TNRC6A: variants seen among roughly 807,000 people sequenced by gnomAD.
TNRC6A encodes the protein trinucleotide repeat containing adaptor 6A, also known as trinucleotide repeat-containing gene 6A protein.
Under a neutral mutation model 221.2 loss-of-function variants are expected in TNRC6A, and 44 were observed. That is an observed-to-expected ratio of 0.20 (90% CI 0.16 to 0.26). The LOEUF (loss-of-function observed/expected upper bound fraction) is 0.26. TNRC6A is among the 10% of genes least tolerant of loss of function. The probability of loss-of-function intolerance (pLI) is 1.00; values close to 1 mark genes in which losing one functional copy is unlikely to be tolerated. For synonymous variants in TNRC6A, 847 were observed against 838.5 expected (o/e 1.01, Z -0.18); for missense variants, 2,199 against 2,404.4 (o/e 0.91, Z 1.79).
intron 17 of TNRC6A, among the ~76,000 whole-genome samples, chr16:24,807,162 C>T (rs900160873): frequency 1.3e-5 from 2 of 152,020 alleles, no homozygotes. Context: ...CGCACCACCA[C>T]GCCCAGCTAA....
intron 2 of TNRC6A, among the ~76,000 whole-genome samples, chr16:24,705,021 C>T (rs1479761482): frequency 6.6e-6 from 1 of 152,042 alleles, no homozygotes; most frequent in Non-Finnish European, 1.5e-5. Flanking sequence ...TTTTAAAAAG[C>T]TTAGCGCAAG....
chr16:24,682,728 G>A lies in TNRC6A; in HGVS notation n.402+41719G>A, dbSNP rs140415639. ...AATGTGACTTTAAGGCAGCCAGCAC[G>A]CAGAATGACCGCAGAGAAGCAGCCA... On this transcript the variant is annotated intron_variant and non_coding_transcript_variant, in intron 2 of 2. Transcript: ENST00000566108. Among the ~76,000 whole-genome samples the A allele has an allele frequency of 4.6e-5, 7 of 152,172 alleles. No homozygotes were observed. In the East Asian group the frequency reaches 7.8e-4, roughly 17 times the overall value.
At chr16:24,754,985 C>G (rs1053316468) in intron 3 of TNRC6A, among the ~76,000 whole-genome samples, 14 of 152,174 alleles carry the variant, frequency 9.2e-5, no homozygotes, top group African/African-American at 3.4e-4. Context: ...TCATATTCAG[C>G]AGCTTAATTA....
At chr16:24,708,170 T>G (rs1013352729) in intron 2 of TNRC6A, among the ~76,000 whole-genome samples, 1 of 151,944 alleles carries the variant, frequency 6.6e-6, no homozygotes, top group Non-Finnish European at 1.5e-5. Context: ...TTTGGTTGGT[T>G]TTTGGGGGTT....
At chr16:24,701,724 G>C (rs1249911706) in intron 2 of TNRC6A, among the ~76,000 whole-genome samples, 2 of 152,106 alleles carry the variant, frequency 1.3e-5, no homozygotes, top group African/African-American at 4.8e-5. Flanking sequence ...TATCCCTTCT[G>C]TCATTTTCAC....
At chr16:24,683,368 T>A (rs569976702) in intron 2 of TNRC6A, among the ~76,000 whole-genome samples, 6 of 152,214 alleles carry the variant, frequency 3.9e-5, no homozygotes, top group South Asian at 2.1e-4. Flanking sequence ...AGCAATTTTT[T>A]AAATTATTTT....
At position 24,789,863 on chromosome 16, in the gene TNRC6A, T is replaced by A. The variant is rs758030535; in HGVS notation, c.1221T>A (p.Ile407=). 1 of 1,614,152 alleles carries A rather than the reference T, an allele frequency of 6.2e-7. No homozygotes were observed. Among genetic ancestry groups the A allele is most frequent in the South Asian group, 1.1e-5 (1 of 91,076 alleles). Reference sequence around the variant, plus strand: ...GCCAGATGCCTAACAATCAGAGTATTAACTCTAAAGTGAGTGGTGGTTCTA... The same window carrying A: ...GCCAGATGCCTAACAATCAGAGTATAAACTCTAAAGTGAGTGGTGGTTCTA... The part of the protein sequence containing the change: ...TIGQMPNNQS[I]NSKVSGGSTH... Residue 407 remains isoleucine (I), a synonymous_variant, in exon 6 of 25, where the codon ATT becomes ATA. Transcript: ENST00000395799.
chr16:24,720,369 G>A (rs774366218), intron 2 of TNRC6A, among the ~76,000 whole-genome samples: 14 of 151,122 alleles, frequency 9.3e-5, no homozygotes, highest in Non-Finnish European at 1.9e-4. Flanking sequence ...ACCCGTCTGG[G>A]TGACACAGCT....
Position 24,793,641 on chromosome 16 carries a change from G to A in TNRC6A, c.3344G>A (p.Ser1115Asn), listed in dbSNP as rs371566628. Residue 1115 changes from serine to asparagine, a missense_variant, in exon 7 of 25, where the codon AGC becomes AAC. Ser to Asn is a conservative substitution (Grantham distance 46). Around this residue, in one of 8 missense-constraint regions of TNRC6A, gnomAD observed 1,405 missense variants for 1,400.2 expected, o/e 1.00. Transcript: ENST00000395799. ...GSSSVGPQAL[S>N]KSGPKSMQDG... The stretch of plus-strand genomic sequence containing the variant: ...AGCTCTGTTGGTCCACAAGCATTAA[G>A]CAAATCTGGTAAGTTATTGACAATG... The A allele has an allele frequency of 2.0e-6, 3 of 1,486,108 alleles. No individual in the cohort carries two copies. The highest frequency in any genetic ancestry group is 2.7e-6 in the Non-Finnish European group (3 of 1,110,240). The allele number at this position is 1,486,108 out of a possible 1,614,324, so 92.1% of individuals were successfully genotyped here. A position where few individuals can be genotyped will look rare whatever the true frequency, so the allele number is the denominator to read the frequency against.
At chr16:24,776,290 C>T in intron 4 of TNRC6A, 1 of 984,928 alleles carries the variant, frequency 1.0e-6, no homozygotes, top group Non-Finnish European at 1.2e-6. Context: ...TAAGATAGAG[C>T]ATCCAGATTA....
At chr16:24,814,949 A>C (rs1174641415) in intron 18 of TNRC6A, among the ~76,000 whole-genome samples, 198 bp from the exon 19 acceptor site, 1 of 152,232 alleles carries the variant, frequency 6.6e-6, no homozygotes, top group African/African-American at 2.4e-5. Flanking sequence ...TCATAAACTT[A>C]AAATGAAATT....
intron 11 of TNRC6A, 94 bp downstream of exon 11, chr16:24,798,060 C>A: frequency 9.1e-7 from 1 of 1,104,796 alleles, no homozygotes; most frequent in Non-Finnish European, 1.3e-6. Context: ...TAGATCAGGA[C>A]AGGGGAGGCT....
chr16:24,686,441 T>C (rs2055627233), intron 2 of TNRC6A, among the ~76,000 whole-genome samples: 1 of 152,116 alleles, frequency 6.6e-6, no homozygotes. Flanking sequence ...TGTTTCTTCT[T>C]GAGGCTGCAG....
intron 1 of TNRC6A, among the ~76,000 whole-genome samples, chr16:24,615,428 C>T (rs957889601): frequency 6.6e-6 from 1 of 152,072 alleles, no homozygotes; most frequent in African/African-American, 2.4e-5. Flanking sequence ...TGGAGACCAG[C>T]TGAGATCACT....
intron 2 of TNRC6A, among the ~76,000 whole-genome samples, chr16:24,675,698 C>CA (rs2055402923): frequency 1.5e-5 from 1 of 66,600 alleles, no homozygotes; most frequent in Non-Finnish European, 2.9e-5. Context: ...CTCTCTCTCT[C>CA]TCTCTATATA....
chr16:24,692,462 C>G (rs1469547639), intron 2 of TNRC6A, among the ~76,000 whole-genome samples: 1 of 152,114 alleles, frequency 6.6e-6, no homozygotes, highest in Non-Finnish European at 1.5e-5. Context: ...CCCAGCTACT[C>G]AGGAGGCTGA....
At chr16:24,713,870 G>A (rs373355447) in intron 2 of TNRC6A, among the ~76,000 whole-genome samples, 1 of 152,100 alleles carries the variant, frequency 6.6e-6, no homozygotes, top group African/African-American at 2.4e-5. Flanking sequence ...GGTCTTTAAT[G>A]CCTGACCTCA....
At chr16:24,739,078 C>CTT in intron 2 of TNRC6A, among the ~76,000 whole-genome samples, 1 of 152,086 alleles carries the variant, frequency 6.6e-6, no homozygotes, top group East Asian at 1.9e-4. Flanking sequence ...CTCTGTTTAA[C>CTT]TTTTTGAGGA....
At chr16:24,706,896 T>C (rs2056104138) in intron 2 of TNRC6A, among the ~76,000 whole-genome samples, 1 of 151,966 alleles carries the variant, frequency 6.6e-6, no homozygotes, top group African/African-American at 2.4e-5. Flanking sequence ...TTGAAAAACT[T>C]AAGTTAAAGC....
Sources: allele counts gnomAD v4.1 joint callset (sites outside exome capture counted in the v4.1 genomes callset), GRCh38; gene constraint gnomAD v4.1.1; regional missense constraint gnomAD v4.1.1; transcripts MANE v1.5; gene names NCBI Gene and HGNC (gene_info 2026-07-23, HGNC 2026-07-21).